RSPH4A: variants seen among roughly 807,000 people sequenced by gnomAD.
RSPH4A encodes radial spoke head component 4A, also known as radial spoke head protein 4 homolog A.
Under a neutral mutation model 71.0 loss-of-function variants are expected in RSPH4A, and 47 were observed. The observed-to-expected ratio is 0.66, with a 90% CI of 0.52 to 0.84. The LOEUF is 0.84. Ranked by LOEUF, RSPH4A falls within the 40% of genes least tolerant of loss-of-function variation. The pLI, the probability that RSPH4A is intolerant of heterozygous loss-of-function variation, is 0.00. For synonymous variants in RSPH4A, 282 were observed against 302.3 expected (o/e 0.93, Z 0.70); for missense variants, 793 against 855.2 (o/e 0.93, Z 0.91).
At chr6:116,628,733 CTTTAAT>C (rs1286005686) in intron 3 of RSPH4A, among the ~76,000 whole-genome samples, 3 of 151,928 alleles carry the variant, frequency 2.0e-5, no homozygotes, top group Non-Finnish European at 1.5e-5. Flanking sequence ...GAAAATAGTT[CTTTAAT>C]TTTATCTCTA....
In RSPH4A at chr6:116,627,832, G is replaced by A; in HGVS notation, c.1125G>A (p.Glu375=). The part of the protein sequence containing the change: ...NYIVAEVEFR[E]GEDEEEVEEE... ...TTGTAGCTGAAGTGGAATTTCGTGA[G>A]GGGGAAGATGAAGAGGAAGTGGAAG... Residue 375 remains glutamate, a synonymous_variant, in exon 3 of 6, where the codon GAG becomes GAA. Transcript: ENST00000229554. 1 of 1,614,102 alleles carries A rather than the reference G, an allele frequency of 6.2e-7. No individual in the cohort carries two copies. The highest frequency in any genetic ancestry group is 1.1e-5 in the South Asian group (1 of 91,080).
chr6:116,625,587 C>T (rs1386617226), intron 2 of RSPH4A, among the ~76,000 whole-genome samples: 2 of 151,952 alleles, frequency 1.3e-5, no homozygotes, highest in Admixed American at 6.6e-5. Flanking sequence ...CAGAGGAGAA[C>T]GTTAGAAGCC....
In RSPH4A at chr6:116,630,603, GAAATTAT is replaced by G. The variant is rs1562392967; in HGVS notation, c.1916+56_1916+62del. The G allele has an allele frequency of 7.3e-6, 6 of 816,828 alleles. No individual in the cohort carries two copies. The South Asian group carries it at 7.9e-5, about 11-fold the overall frequency. 50.6% of individuals were successfully genotyped at this position (816,828 alleles called of 1,614,324 possible). ...CATTTCTGTGATTAGTTAAGCTCTG[GAAATTAT>G]AAATAACCACTAGAATGTTAAGCTA... On this transcript the variant is annotated intron_variant, in intron 5 of 5. Transcript: ENST00000229554.
chr6:116,627,813 C>T lies in RSPH4A; in HGVS notation c.1106C>T (p.Ala369Val). 2 of 1,614,018 alleles carry T rather than the reference C, an allele frequency of 1.2e-6. No individual in the cohort carries two copies. The highest frequency in any genetic ancestry group is 1.7e-6 in the Non-Finnish European group (2 of 1,180,012). Residue 369 changes from alanine (A) to valine (V), a missense_variant, in exon 3 of 6, where the codon GCT (alanine) becomes GTT (valine). Coordinates refer to ENST00000229554, the MANE Select transcript of RSPH4A (RefSeq NM_001010892.3). ...GGTCTGGAAATGAATTATATTGTAG[C>T]TGAAGTGGAATTTCGTGAGGGGGAA... ...ILGLEMNYIVAEVEFREGEDE... is the reference protein window; with the variant it reads ...ILGLEMNYIVVEVEFREGEDE...
Position 116,616,852 on chromosome 6 carries a change from C to T in RSPH4A, c.229C>T (p.Pro77Ser). The change falls in exon 1 of 6, where the codon CCA becomes TCA. Residue 77 changes from proline to serine, a missense_variant. Coordinates refer to ENST00000229554, the MANE Select transcript of RSPH4A (RefSeq NM_001010892.3). ...AKTPLGGPAG[P>S]ETSSPAPVSP... Reference sequence around the variant, plus strand: ...GACGCCTCTGGGTGGCCCCGCGGGACCAGAAACATCATCACCTGCTCCTGT... The same window carrying T: ...GACGCCTCTGGGTGGCCCCGCGGGATCAGAAACATCATCACCTGCTCCTGT... 2 of 1,614,100 alleles carry T rather than the reference C, an allele frequency of 1.2e-6. No homozygotes were observed. The highest frequency in any genetic ancestry group is 1.7e-6 in the Non-Finnish European group (2 of 1,179,990).
intron 1 of RSPH4A, among the ~76,000 whole-genome samples, chr6:116,620,845 T>C (rs530289210): frequency 1.1e-4 from 17 of 152,300 alleles, no homozygotes; most frequent in Non-Finnish European, 1.9e-4. Context: ...GTCTGGAGTC[T>C]TCTCCATGAG....
In RSPH4A at chr6:116,622,918, A is replaced by C; in HGVS notation, c.837A>C (p.Pro279=). 2 of 1,614,004 alleles carry C rather than the reference A, an allele frequency of 1.2e-6. No homozygotes were observed. The highest frequency in any genetic ancestry group is 1.7e-6 in the Non-Finnish European group (2 of 1,179,912). ...TACAAAATGAGAATGAGTTGCTTCC[A>C]ACATATGAAATAGCAGAAAAGCAAA... ...DALQNENELL[P]TYEIAEKQKA... Residue 279 remains proline, a synonymous_variant, in exon 2 of 6, where the codon CCA becomes CCC. Coordinates refer to ENST00000229554, the MANE Select transcript of RSPH4A (RefSeq NM_001010892.3).
chr6:116,630,001 T>C (rs1775767057), intron 4 of RSPH4A, among the ~76,000 whole-genome samples: 2 of 152,258 alleles, frequency 1.3e-5, no homozygotes, highest in Admixed American at 6.5e-5. Flanking sequence ...CTGCAGACCA[T>C]AAACAAATGG....
chr6:116,622,749 A>G lies in RSPH4A; in HGVS notation c.687-19A>G. The G allele has an allele frequency of 6.8e-7, 1 of 1,469,102 alleles. No individual in the cohort carries two copies. The highest frequency in any genetic ancestry group is 9.5e-7 in the Non-Finnish European group (1 of 1,049,080). The allele number at this position is 1,469,102 out of a possible 1,614,324, so 91.0% of individuals were successfully genotyped here. On this transcript the variant is annotated intron_variant, in intron 1 of 5. Transcript: ENST00000229554. ...GCTCTTGACATGTATATTATCTGGAATTTTCTCTGTTTGGATAGATATGAT... is the reference window on the plus strand; with the variant it reads ...GCTCTTGACATGTATATTATCTGGAGTTTTCTCTGTTTGGATAGATATGAT...
At chr6:116,631,321 G>A (rs551408607) in intron 5 of RSPH4A, among the ~76,000 whole-genome samples, 4 of 152,236 alleles carry the variant, frequency 2.6e-5, no homozygotes, top group South Asian at 2.1e-4. Context: ...TGAGAGTTAA[G>A]CCTTTAATCA....
At chr6:116,619,758 G>A (rs573518249) in intron 1 of RSPH4A, among the ~76,000 whole-genome samples, 6 of 151,792 alleles carry the variant, frequency 4.0e-5, no homozygotes, top group Non-Finnish European at 7.4e-5. Context: ...TCACTCTGTC[G>A]CCCAGGCTGG....
At chr6:116,621,893 G>A (rs1217213020) in intron 1 of RSPH4A, among the ~76,000 whole-genome samples, 2 of 152,084 alleles carry the variant, frequency 1.3e-5, no homozygotes, top group Non-Finnish European at 2.9e-5. Context: ...CAGGACACAA[G>A]GATACTTTGA....
At position 116,617,168 on chromosome 6, in the gene RSPH4A, A is replaced by G. The variant is rs757678261; in HGVS notation, c.545A>G (p.Gln182Arg). The G allele has an allele frequency of 1.5e-5, 24 of 1,614,232 alleles. No homozygotes were observed. The highest frequency in any genetic ancestry group is 2.0e-5 in the Non-Finnish European group (24 of 1,180,034). The change falls in exon 1 of 6, where the codon CAG (glutamine) becomes CGG (arginine). Residue 182 changes from glutamine (Q) to arginine (R), a missense_variant. Coordinates refer to ENST00000229554, the MANE Select transcript of RSPH4A (RefSeq NM_001010892.3). ...KQKELRFDVFQEEDSNSDYDL... is the reference protein window; with the variant it reads ...KQKELRFDVFREEDSNSDYDL... ...AAAGAGCTGAGATTTGACGTTTTTC[A>G]GGAGGAAGACTCAAACAGTGACTAT...
intron 1 of RSPH4A, among the ~76,000 whole-genome samples, chr6:116,619,165 A>G (rs374458877): frequency 6.6e-6 from 1 of 152,164 alleles, no homozygotes; most frequent in East Asian, 1.9e-4. Flanking sequence ...TTTTATGGAT[A>G]TGTTATTGGA....
At chr6:116,618,123 A>G (rs1162249567) in intron 1 of RSPH4A, among the ~76,000 whole-genome samples, 1 of 152,182 alleles carries the variant, frequency 6.6e-6, no homozygotes, top group Admixed American at 6.5e-5. Flanking sequence ...AGTGGCTAAC[A>G]ACACTTACCG....
chr6:116,628,167 A>AAAT lies in RSPH4A; in HGVS notation c.1461_1463dup (p.Ile488dup). ...AATGAGAGTAATTATTTACGAGCACAAATTGCCCGAATTTCAGCAGGAACC... is the reference window on the plus strand; with the variant it reads ...AATGAGAGTAATTATTTACGAGCACAAATAATTGCCCGAATTTCAGCAGGAACC... On this transcript the variant is annotated inframe_insertion, in exon 3 of 6. Coordinates refer to ENST00000229554, the MANE Select transcript of RSPH4A (RefSeq NM_001010892.3). 6.2e-7 allele frequency: 1 copy of AAAT among 1,614,196 alleles called. No homozygotes were observed. The highest frequency in any genetic ancestry group is 2.2e-5 in the East Asian group (1 of 44,888).
At chr6:116,629,500 T>C in intron 3 of RSPH4A, 67 bp from the exon 4 acceptor site, 1 of 1,489,408 alleles carries the variant, frequency 6.7e-7, no homozygotes, top group African/African-American at 1.4e-5. Flanking sequence ...CCTGATCAAT[T>C]CAAATGAATA....
chr6:116,632,146 G>T lies in RSPH4A; in HGVS notation c.1917-61G>T, dbSNP rs1295910447. ...CTAAGCACTTTAATATTACAGAAGG[G>T]TCAGTTTTTCTGAGAAATTATATAA... On this transcript the variant is annotated intron_variant, in intron 5 of 5. Transcript: ENST00000229554. The T allele has an allele frequency of 2.4e-6, 3 of 1,237,752 alleles. No individual in the cohort carries two copies. In the East Asian group the frequency reaches 7.6e-5, roughly 31 times the overall value. 76.7% of individuals were successfully genotyped at this position (1,237,752 alleles called of 1,614,324 possible). A position where few individuals can be genotyped will look rare whatever the true frequency, so the allele number is the denominator to read the frequency against.
Position 116,630,470 on chromosome 6 carries a change from T to A in RSPH4A, c.1834T>A (p.Ser612Thr). 6.2e-7 allele frequency: 1 copy of A among 1,610,702 alleles called. No individual in the cohort carries two copies. Among genetic ancestry groups the A allele is most frequent in the Non-Finnish European group, 8.5e-7 (1 of 1,176,986 alleles). ...TATACCCCCCTGGACAACACGGTTA[T>A]CCTCAAATCTCATTCCACAATATGC... Reference protein sequence around the residue: ...QNIPPWTTRLSSNLIPQYAIA... With the variant: ...QNIPPWTTRLTSNLIPQYAIA... Residue 612 changes from serine to threonine, a missense_variant, in exon 5 of 6, where the codon TCC becomes ACC. By Grantham distance (58) the Ser-to-Thr change is moderately conservative (BLOSUM62 1). Transcript: ENST00000229554.
Sources: allele counts gnomAD v4.1 joint callset (sites outside exome capture counted in the v4.1 genomes callset), GRCh38; gene constraint gnomAD v4.1.1; transcripts MANE v1.5; gene names NCBI Gene and HGNC (gene_info 2026-07-23, HGNC 2026-07-21).